IDO1: variants seen among roughly 807,000 people sequenced by gnomAD.
IDO1 encodes indoleamine 2,3-dioxygenase 1, also known as indolamine 2,3 dioxygenase.
A neutral mutation model predicts 38.8 loss-of-function variants in IDO1; 35 were observed. The observed-to-expected ratio is 0.90, with a 90% CI of 0.69 to 1.20. The LOEUF (loss-of-function observed/expected upper bound fraction) is 1.20. Among genes scored for constraint, IDO1 ranks in the 50% most tolerant of loss-of-function variants. The pLI is 0.00. For synonymous variants in IDO1, 171 were observed against 170.0 expected (o/e 1.01, Z -0.05); for missense variants, 509 against 485.1 (o/e 1.05, Z -0.46).
chr8:39,916,228 C>T (rs1807173473), intron 1 of IDO1, among the ~76,000 whole-genome samples: 2 of 150,794 alleles, frequency 1.3e-5, no homozygotes, highest in South Asian at 4.2e-4. Context: ...GTAATCCCAG[C>T]ACTTTGGGAG....
At chr8:39,916,591 C>G (rs1807178543) in intron 1 of IDO1, among the ~76,000 whole-genome samples, 1 of 152,182 alleles carries the variant, frequency 6.6e-6, no homozygotes. Context: ...CACTGAAGAT[C>G]TTTCCTAGAA....
chr8:39,922,189 C>T (rs537947435), intron 5 of IDO1, among the ~76,000 whole-genome samples: 5 of 152,192 alleles, frequency 3.3e-5, no homozygotes, highest in South Asian at 4.1e-4. Context: ...TTAGTAGAGA[C>T]GGGGTTTCAC....
At chr8:39,919,578 G>A (rs1159367208) in intron 4 of IDO1, among the ~76,000 whole-genome samples, 5 of 152,134 alleles carry the variant, frequency 3.3e-5, no homozygotes, top group South Asian at 2.1e-4. Flanking sequence ...CAAAGCCCAC[G>A]TCTCTGGGTG....
rs753352149 is a variant in IDO1, at chr8:39,928,267, A to C, written c.*82A>C. On this transcript the variant is annotated 3_prime_UTR_variant, in exon 10 of 10. Coordinates refer to ENST00000518237, the MANE Select transcript of IDO1 (RefSeq NM_002164.6). ...CATTACCCATTGTAACAGAGCCACA[A>C]ACTAATACTATGCAATGTTTTACCA... 1.1e-6 allele frequency: 1 copy of C among 912,584 alleles called. No homozygotes were observed. 56.5% of individuals were successfully genotyped at this position (912,584 alleles called of 1,614,324 possible).
At chr8:39,918,525 C>T in intron 3 of IDO1, 2 of 457,966 alleles carry the variant, frequency 4.4e-6, no homozygotes, top group Non-Finnish European at 3.9e-6. Flanking sequence ...GCCGGAGGAT[C>T]ACCTGAGGTC....
At position 39,928,285 on chromosome 8, in the gene IDO1, T is replaced by C; in HGVS notation, c.*100T>C. 1 of 802,288 alleles carries C rather than the reference T, an allele frequency of 1.2e-6. No homozygotes were observed. Among genetic ancestry groups the C allele is most frequent in the South Asian group, 2.1e-5 (1 of 48,644 alleles). 49.7% of individuals were successfully genotyped at this position (802,288 alleles called of 1,614,324 possible). ...AGCCACAAACTAATACTATGCAATGTTTTACCAATAATGCAATACAAAAGA... is the reference window on the plus strand; with the variant it reads ...AGCCACAAACTAATACTATGCAATGCTTTACCAATAATGCAATACAAAAGA... On this transcript the variant is annotated 3_prime_UTR_variant, in exon 10 of 10. Coordinates refer to ENST00000518237, the MANE Select transcript of IDO1 (RefSeq NM_002164.6).
At chr8:39,916,080 C>T (rs6474193) in intron 1 of IDO1, among the ~76,000 whole-genome samples, 52,955 of 151,880 alleles carry the variant, frequency 0.35, 9,765 homozygotes, top group Middle Eastern at 0.48. Flanking sequence ...GCAGGAGAAT[C>T]GCTTGAACCT....
intron 6 of IDO1, 120 bp downstream of exon 6, chr8:39,922,771 C>T: frequency 1.4e-6 from 1 of 697,726 alleles, no homozygotes; most frequent in Non-Finnish European, 2.6e-6. Context: ...AACATGGGAT[C>T]ATTTAATTGG....
chr8:39,923,399 G>A (rs1255419184), intron 6 of IDO1, 70 bp from the exon 7 acceptor site: 17 of 801,872 alleles, frequency 2.1e-5, no homozygotes, highest in East Asian at 6.4e-5. Context: ...GCGAGACTCC[G>A]TCTCAAAAAA....
Position 39,925,247 on chromosome 8 carries a change from A to G in IDO1, c.732A>G (p.Ser244=). ...LSGWKGNPQL[S]DGLVYEGFWE... Reference sequence around the variant, plus strand: ...GCTGGAAAGGCAACCCCCAGCTATCAGACGGTCTGGTGTATGAAGGGTTCT... The same window carrying G: ...GCTGGAAAGGCAACCCCCAGCTATCGGACGGTCTGGTGTATGAAGGGTTCT... The change falls in exon 9 of 10, where the codon TCA becomes TCG. Residue 244 remains serine, a synonymous_variant. Transcript: ENST00000518237. The G allele has an allele frequency of 6.2e-7, 1 of 1,603,358 alleles. No homozygotes were observed. The highest frequency in any genetic ancestry group is 8.5e-7 in the Non-Finnish European group (1 of 1,175,380).
rs1807134783 is a variant in IDO1 at position 39,913,941 on chromosome 8, A to G, written c.19A>G (p.Asn7Asp). The change falls in exon 1 of 10, where the codon AAC (asparagine) becomes GAC (aspartate). Residue 7 changes from asparagine to aspartate, a missense_variant. Physicochemically the swap from Asn to Asp is conservative, Grantham distance 23. Transcript: ENST00000518237. MAHAME[N>D]SWTISKEYHI... ...TACAAGAATGGCACACGCTATGGAA[A>G]ACTCCTGGACAATCAGTAAAGAGTA... 6.4e-7 allele frequency: 1 copy of G among 1,572,542 alleles called. No homozygotes were observed.
At chr8:39,923,883 A>C (rs147235761) in intron 7 of IDO1, 144 of 193,644 alleles carry the variant, frequency 7.4e-4, no homozygotes, top group Admixed American at 1.4e-3. Context: ...CTCCCGCTAA[A>C]AACCTTAGAG....
chr8:39,924,475 GTT>G (rs929133494), intron 7 of IDO1, among the ~76,000 whole-genome samples: 1 of 152,100 alleles, frequency 6.6e-6, no homozygotes. Context: ...TATGTAAACA[GTT>G]TACTTGTTAC....
rs1425355048 is a variant in IDO1, at chr8:39,917,866, T to G, written c.88-9T>G. On this transcript the variant is annotated splice_polypyrimidine_tract_variant and intron_variant, in intron 1 of 9. Transcript: ENST00000518237. ...TACTACTAAATAAAGATCTTTTTTT[T>G]TTTTCAAGGAAAATCTACCTGATTT... 1.3e-6 allele frequency: 2 copies of G among 1,576,996 alleles called. No homozygotes were observed. The highest frequency in any genetic ancestry group is 2.7e-5 in the African/African-American group (2 of 73,922).
At chr8:39,918,393 T>G in intron 3 of IDO1, 186 bp downstream of exon 3, 1 of 584,488 alleles carries the variant, frequency 1.7e-6, no homozygotes, top group Non-Finnish European at 3.0e-6. Flanking sequence ...ATATTTTTAG[T>G]CTTTTACTTC....
chr8:39,925,858 T>G (rs1440864774), intron 9 of IDO1, among the ~76,000 whole-genome samples: 1 of 151,160 alleles, frequency 6.6e-6, no homozygotes, highest in Non-Finnish European at 1.5e-5. Context: ...TACTCCAGCC[T>G]GGGCAAAAGA....
Position 39,925,250 on chromosome 8 carries a change from C to T in IDO1, c.735C>T (p.Asp245=), listed in dbSNP as rs775200359. 7.0e-5 allele frequency: 112 copies of T among 1,604,458 alleles called. No homozygotes were observed. Among genetic ancestry groups the T allele is most frequent in the Admixed American group, 4.5e-4 (26 of 58,232 alleles). ...GGAAAGGCAACCCCCAGCTATCAGA[C>T]GGTCTGGTGTATGAAGGGTTCTGGG... ...SGWKGNPQLS[D]GLVYEGFWED... is the part of the protein sequence containing the mutation. The change falls in exon 9 of 10, where the codon GAC becomes GAT. Residue 245 remains aspartate (D), a synonymous_variant. Transcript: ENST00000518237.
chr8:39,922,713 G>T, intron 6 of IDO1, 62 bp downstream of exon 6: 2 of 1,055,364 alleles, frequency 1.9e-6, no homozygotes, highest in South Asian at 2.5e-5. Context: ...AATCACTTCG[G>T]AGCCTAAACT....
chr8:39,919,110 T>A (rs1807230154), intron 4 of IDO1, 177 bp downstream of exon 4: 4 of 737,952 alleles, frequency 5.4e-6, no homozygotes, highest in Non-Finnish European at 1.0e-5. Flanking sequence ...ACTACAAATG[T>A]ACACATATGT....
Sources: allele counts gnomAD v4.1 joint callset (sites outside exome capture counted in the v4.1 genomes callset), GRCh38; gene constraint gnomAD v4.1.1; transcripts MANE v1.5; gene names NCBI Gene and HGNC (gene_info 2026-07-23, HGNC 2026-07-21).